The following AP1AR variants were observed in gnomAD, a reference collection of about 807,000 sequenced individuals.
The protein encoded by AP1AR is adaptor related protein complex 1 associated regulatory protein, also known as AP-1 complex-associated regulatory protein.
AP1AR carries 29 observed loss-of-function variants against 46.3 expected under a neutral mutation model. That is an observed-to-expected ratio of 0.63 (90% CI 0.47 to 0.85). The LOEUF is 0.85. AP1AR is among the 40% of genes least tolerant of loss of function. The pLI, the probability that AP1AR is intolerant of heterozygous loss-of-function variation, is 0.00. For missense variants in AP1AR, 357 were observed against 356.3 expected (o/e 1.00, Z -0.02); for synonymous variants, 122 against 122.9 (o/e 0.99, Z 0.05).
At chr4:112,239,075 C>T (rs1725372528) in intron 1 of AP1AR, among the ~76,000 whole-genome samples, 1 of 152,138 alleles carries the variant, frequency 6.6e-6, no homozygotes, top group Admixed American at 6.5e-5. Flanking sequence ...ATCTTTCTAA[C>T]ATCTATATCC....
Position 112,231,808 on chromosome 4 carries a change from G to A in AP1AR, c.-284G>A. ...GGTCACTCACGCTGGGCTAGGAGCT[G>A]AGGCGAGAAGGGCCATGCGGACGGC... On this transcript the variant is annotated 5_prime_UTR_variant, in exon 1 of 10. Transcript: ENST00000274000. The A allele has an allele frequency of 3.0e-6, 1 of 328,690 alleles. No individual in the cohort carries two copies. The highest frequency in any genetic ancestry group is 5.5e-6 in the Non-Finnish European group (1 of 181,884). The allele number at this position is 328,690 out of a possible 1,614,324, so 20.4% of individuals were successfully genotyped here.
chr4:112,265,697 A>G lies in AP1AR; in HGVS notation c.441-37A>G, dbSNP rs1484657256. ...ATATATTTGTCATATTGCAGCTACC[A>G]TGAATATATTAAAAAATTATTTCAC... is the stretch of plus-strand genomic sequence containing the variant. On this transcript the variant is annotated intron_variant, in intron 7 of 9. Coordinates refer to ENST00000274000, the MANE Select transcript of AP1AR (RefSeq NM_018569.6). 4 of 1,499,184 alleles carry G rather than the reference A, an allele frequency of 2.7e-6. No homozygotes were observed. The South Asian group carries it at 3.5e-5, about 13-fold the overall frequency. 92.9% of individuals were successfully genotyped at this position (1,499,184 alleles called of 1,614,324 possible).
intron 8 of AP1AR, among the ~76,000 whole-genome samples, chr4:112,266,306 T>C (rs1407977112): frequency 1.3e-5 from 2 of 151,758 alleles, no homozygotes; most frequent in African/African-American, 4.8e-5. Context: ...GCTTTGTAAT[T>C]GACTGTTAAA....
Position 112,232,134 on chromosome 4 carries a change from A to G in AP1AR, c.43A>G (p.Lys15Glu), listed in dbSNP as rs1465785198. The G allele has an allele frequency of 1.6e-6, 2 of 1,281,076 alleles. No individual in the cohort carries two copies. The highest frequency in any genetic ancestry group is 2.0e-6 in the Non-Finnish European group (2 of 1,005,320). The allele number at this position is 1,281,076 out of a possible 1,614,324, so 79.4% of individuals were successfully genotyped here. A position where few individuals can be genotyped will look rare whatever the true frequency, so the allele number is the denominator to read the frequency against. ...CWTQCFGLLR[K>E]EAGRLQRVGG... is the part of the protein sequence containing the mutation. ...GACGCAGTGCTTCGGACTGCTTCGCAAGGAAGCGGGGCGGCTGCAGCGAGT... is the reference window on the plus strand; with the variant it reads ...GACGCAGTGCTTCGGACTGCTTCGCGAGGAAGCGGGGCGGCTGCAGCGAGT... The change falls in exon 1 of 10, where the codon AAG (lysine) becomes GAG (glutamate). Residue 15 changes from lysine (K) to glutamate (E), a missense_variant. Physicochemically the swap from Lys to Glu is moderately conservative, Grantham distance 56. Transcript: ENST00000274000.
rs1726253912 is a variant in AP1AR, at chr4:112,257,688, A to C, written c.160-84A>C. ...AAAAATGGGTAAGTTGAAAGTATTT[A>C]GATTAAATAAAAATTGTATTGGTTA... On this transcript the variant is annotated intron_variant, in intron 3 of 9. Coordinates refer to ENST00000274000, the MANE Select transcript of AP1AR (RefSeq NM_018569.6). 10 of 1,066,538 alleles carry C rather than the reference A, an allele frequency of 9.4e-6. No individual in the cohort carries two copies. The South Asian group carries it at 1.3e-4, about 14-fold the overall frequency. The allele number at this position is 1,066,538 out of a possible 1,614,324, so 66.1% of individuals were successfully genotyped here. A position where few individuals can be genotyped will look rare whatever the true frequency, so the allele number is the denominator to read the frequency against.
At chr4:112,232,763 C>G (rs1048949435) in intron 1 of AP1AR, among the ~76,000 whole-genome samples, 5 of 152,200 alleles carry the variant, frequency 3.3e-5, no homozygotes, top group African/African-American at 1.2e-4. Flanking sequence ...ACTACAGGGA[C>G]AATGTGTAAT....
Position 112,249,370 on chromosome 4 carries a change from A to AAG in AP1AR, c.84-3837_84-3836insGA, listed in dbSNP as rs78155948. Among the ~76,000 whole-genome samples the AAG allele has an allele frequency of 6.7e-3, 1,005 of 150,714 alleles. 8 individuals are homozygous for AAG. Among genetic ancestry groups the AAG allele is most frequent in the African/African-American group, 0.023 (943 of 40,804 alleles). On this transcript the variant is annotated intron_variant, in intron 1 of 9. Coordinates refer to ENST00000274000, the MANE Select transcript of AP1AR (RefSeq NM_018569.6). Reference sequence around the variant, plus strand: ...AAGGTACTTTTCTTTAAAAAAAAAAAATGTATAGGCTTGGTGCAGTGGCTC... The same window carrying AAG: ...AAGGTACTTTTCTTTAAAAAAAAAAAAGATGTATAGGCTTGGTGCAGTGGCTC...
intron 5 of AP1AR, among the ~76,000 whole-genome samples, chr4:112,262,056 T>C (rs1726471204): frequency 6.6e-6 from 1 of 151,882 alleles, no homozygotes. Context: ...GGCTAATGCC[T>C]ATAGTCCCAG....
intron 9 of AP1AR, among the ~76,000 whole-genome samples, chr4:112,267,735 A>G (rs1726767514): frequency 6.6e-6 from 1 of 151,966 alleles, no homozygotes; most frequent in Non-Finnish European, 1.5e-5. Context: ...AAATGCTGGA[A>G]AAGTACATGT....
intron 2 of AP1AR, among the ~76,000 whole-genome samples, chr4:112,254,385 A>G (rs1233239425): frequency 1.3e-5 from 2 of 152,188 alleles, no homozygotes; most frequent in African/African-American, 4.8e-5. Flanking sequence ...TCCTTCTTAC[A>G]ACATTTGTTC....
rs574143115 is a variant in AP1AR at position 112,242,211 on chromosome 4, A to G, written c.83+10037A>G. On this transcript the variant is annotated intron_variant, in intron 1 of 9. Transcript: ENST00000274000. Reference sequence around the variant, plus strand: ...GACTGGTTTTATCTTTAATAAAAGTATCTTGAAATCTACCTTGAGAACATC... The same window carrying G: ...GACTGGTTTTATCTTTAATAAAAGTGTCTTGAAATCTACCTTGAGAACATC... Among the ~76,000 whole-genome samples the G allele has an allele frequency of 3.0e-4, 46 of 152,334 alleles. 1 individual carries two copies. The South Asian group carries it at 8.1e-3, about 27-fold the overall frequency.
intron 1 of AP1AR, among the ~76,000 whole-genome samples, chr4:112,250,976 G>C (rs1369184267): frequency 6.6e-6 from 1 of 152,196 alleles, no homozygotes; most frequent in East Asian, 1.9e-4. Context: ...GGTAGAATTT[G>C]TAATAGGGAT....
At position 112,232,173 on chromosome 4, in the gene AP1AR, G is replaced by A. The variant is rs759096579; in HGVS notation, c.82G>A (p.Gly28Arg). 7.0e-6 allele frequency: 9 copies of A among 1,280,572 alleles called. No homozygotes were observed. Among genetic ancestry groups the A allele is most frequent in the African/African-American group, 1.5e-5 (1 of 64,676 alleles). 79.3% of individuals were successfully genotyped at this position (1,280,572 alleles called of 1,614,324 possible). Reference protein sequence around the residue: ...GRLQRVGGGGGSKYFRTCSRG... With the variant: ...GRLQRVGGGGRSKYFRTCSRG... ...GCTGCAGCGAGTAGGCGGCGGCGGA[G>A]GGTAAGCCCGCTGGGGGAGGGGCCC... The change falls in exon 1 of 10, where the codon GGA becomes AGA. Residue 28 changes from glycine to arginine, a missense_variant and splice_region_variant. By Grantham distance (125) the Gly-to-Arg change is moderately radical (BLOSUM62 -2). This residue lies in a region of AP1AR where 269 missense variants were observed against 223.6 expected (regional missense o/e 1.20). Transcript: ENST00000274000.
chr4:112,268,079 G>T, intron 9 of AP1AR, 65 bp from the exon 10 acceptor site: 1 of 1,420,460 alleles, frequency 7.0e-7, no homozygotes. Flanking sequence ...TGCTAAATTT[G>T]GGAGTTTTTA....
At chr4:112,251,669 C>G (rs980016517) in intron 1 of AP1AR, among the ~76,000 whole-genome samples, 1 of 152,090 alleles carries the variant, frequency 6.6e-6, no homozygotes. Flanking sequence ...ATGCCAGAAC[C>G]CAGTGCTACT....
intron 1 of AP1AR, among the ~76,000 whole-genome samples, chr4:112,237,239 T>A (rs777915877): frequency 1.3e-5 from 2 of 151,888 alleles, no homozygotes; most frequent in Non-Finnish European, 2.9e-5. Flanking sequence ...CCCGAGTAGC[T>A]GGGATTACAG....
At chr4:112,243,111 C>T (rs544257823) in intron 1 of AP1AR, among the ~76,000 whole-genome samples, 1 of 152,296 alleles carries the variant, frequency 6.6e-6, no homozygotes, top group South Asian at 2.1e-4. Context: ...GGGCATGTGA[C>T]TGGATTCATG....
rs1726722923 is a variant in AP1AR, at chr4:112,266,659, T to G, written c.586T>G (p.Ser196Ala). The change falls in exon 9 of 10, where the codon TCA becomes GCA. Residue 196 changes from serine (S) to alanine (A), a missense_variant. Transcript: ENST00000274000. ...TTGTGATTTAATGACCAAAACTAAA[T>G]CAACTAGTGGAAATGACGACAGCAC... is the stretch of plus-strand genomic sequence containing the variant. ...SSCDLMTKTKSTSGNDDSTSL... is the reference protein window; with the variant it reads ...SSCDLMTKTKATSGNDDSTSL... 1 of 1,610,762 alleles carries G rather than the reference T, an allele frequency of 6.2e-7. No individual in the cohort carries two copies. Among genetic ancestry groups the G allele is most frequent in the Non-Finnish European group, 8.5e-7 (1 of 1,177,872 alleles).
At position 112,260,776 on chromosome 4, in the gene AP1AR, G is replaced by A; in HGVS notation, c.196G>A (p.Glu66Lys). The A allele has an allele frequency of 1.3e-6, 2 of 1,589,752 alleles. No homozygotes were observed. Among genetic ancestry groups the A allele is most frequent in the Non-Finnish European group, 8.6e-7 (1 of 1,169,464 alleles). The change falls in exon 5 of 10, where the codon GAG becomes AAG. Residue 66 changes from glutamate to lysine, a missense_variant. Transcript: ENST00000274000. ...SPGSSHRPLTEEEIVDLRERH... is the reference protein window; with the variant it reads ...SPGSSHRPLTKEEIVDLRERH... ...CCTTTTTTTCTCTAGGCCTCTTACT[G>A]AGGAAGAAATTGTTGACCTAAGAGA...
Sources: allele counts gnomAD v4.1 joint callset (sites outside exome capture counted in the v4.1 genomes callset), GRCh38; gene constraint gnomAD v4.1.1; regional missense constraint gnomAD v4.1.1; transcripts MANE v1.5; gene names NCBI Gene and HGNC (gene_info 2026-07-23, HGNC 2026-07-21).